The following NFX1 variants were observed in gnomAD, a reference collection of about 807,000 sequenced individuals.
NFX1 encodes nuclear transcription factor, X-box binding 1, also known as transcriptional repressor NF-X1.
Under a neutral mutation model 137.2 loss-of-function variants are expected in NFX1, and 69 were observed. The ratio of observed to expected loss-of-function variants is 0.50; its 90% CI spans 0.41 to 0.61. The LOEUF (loss-of-function observed/expected upper bound fraction) is 0.61. Ranked by LOEUF, NFX1 falls within the 20% of genes least tolerant of loss-of-function variation. The pLI, the probability that NFX1 is intolerant of heterozygous loss-of-function variation, is 0.00. For synonymous variants in NFX1, 495 were observed against 474.1 expected (o/e 1.04, Z -0.57); for missense variants, 1,167 against 1,391.0 (o/e 0.84, Z 2.56).
intron 15 of NFX1, among the ~76,000 whole-genome samples, chr9:33,347,359 T>C (rs1025806809): frequency 3.9e-5 from 6 of 152,330 alleles, no homozygotes; most frequent in African/African-American, 9.6e-5. Flanking sequence ...AATCAAGATA[T>C]AGAACAGTTC....
chr9:33,298,009 A>C lies in NFX1; in HGVS notation c.1033+2582A>C, dbSNP rs1164335213. Among the ~76,000 whole-genome samples the C allele has an allele frequency of 2.0e-5, 3 of 152,150 alleles. No homozygotes were observed. The East Asian group carries it at 5.8e-4, about 29-fold the overall frequency. ...CATTATTCATATCATTTTTGAGAAC[A>C]CTTCATTCATATTTGTTGCATAAAT... On this transcript the variant is annotated intron_variant, in intron 2 of 23. Coordinates refer to ENST00000379540, the MANE Select transcript of NFX1 (RefSeq NM_002504.6).
At chr9:33,325,153 A>G (rs1437457570) in intron 9 of NFX1, among the ~76,000 whole-genome samples, 1 of 152,196 alleles carries the variant, frequency 6.6e-6, no homozygotes, top group Non-Finnish European at 1.5e-5. Flanking sequence ...CAGGAAACTC[A>G]GTAAACTCCA....
chr9:33,296,682 C>CTA (rs1821366986), intron 2 of NFX1, among the ~76,000 whole-genome samples: 1 of 152,230 alleles, frequency 6.6e-6, no homozygotes, highest in Non-Finnish European at 1.5e-5. Context: ...CTGCAGTGAG[C>CTA]TATTGTACTC....
intron 9 of NFX1, among the ~76,000 whole-genome samples, chr9:33,326,784 A>G (rs1335814257): frequency 1.3e-5 from 2 of 152,200 alleles, no homozygotes; most frequent in Admixed American, 1.3e-4. Flanking sequence ...AATAGATATA[A>G]CATTATATAA....
chr9:33,331,761 G>A (rs1158492444), intron 10 of NFX1, among the ~76,000 whole-genome samples: 2 of 142,682 alleles, frequency 1.4e-5, no homozygotes, highest in Non-Finnish European at 3.0e-5. Flanking sequence ...TCTCATTTCT[G>A]AGTACATGGC....
intron 19 of NFX1, among the ~76,000 whole-genome samples, chr9:33,362,104 A>C (rs1329124698): frequency 1.3e-5 from 2 of 151,172 alleles, no homozygotes; most frequent in Non-Finnish European, 2.9e-5. Flanking sequence ...CTGGGCAACA[A>C]GAGCCAGACC....
chr9:33,295,080 A>G lies in NFX1; in HGVS notation c.686A>G (p.Asp229Gly), dbSNP rs755768124. ...SEASSRKGVL[D>G]GYGARRNEQR... Reference sequence around the variant, plus strand: ...GCATCCTCTAGAAAAGGAGTATTGGATGGGTATGGAGCCAGACGAAATGAG... The same window carrying G: ...GCATCCTCTAGAAAAGGAGTATTGGGTGGGTATGGAGCCAGACGAAATGAG... Residue 229 changes from aspartate to glycine, a missense_variant, in exon 2 of 24, where the codon GAT (aspartate) becomes GGT (glycine). Asp to Gly is a moderately conservative substitution (Grantham distance 94). This residue lies in a region of NFX1 where 367 missense variants were observed against 386.7 expected (regional missense o/e 0.95). Transcript: ENST00000379540. 84 of 1,614,138 alleles carry G rather than the reference A, an allele frequency of 5.2e-5. No homozygotes were observed. Among genetic ancestry groups the G allele is most frequent in the Non-Finnish European group, 6.9e-5 (82 of 1,180,026 alleles).
Position 33,354,146 on chromosome 9 carries a change from G to T in NFX1, c.2790G>T (p.Glu930Asp). ...ITDMQLGGSV[E>D]ISKLITKKEV... ...ACATGCAGCTTGGAGGTTCAGTGGA[G>T]ATCAGCAAGTTAATTACCAAAAAGG... Residue 930 changes from glutamate to aspartate, a missense_variant, in exon 18 of 24, where the codon GAG becomes GAT. Coordinates refer to ENST00000379540, the MANE Select transcript of NFX1 (RefSeq NM_002504.6). 1 of 1,613,638 alleles carries T rather than the reference G, an allele frequency of 6.2e-7. No individual in the cohort carries two copies. The highest frequency in any genetic ancestry group is 8.5e-7 in the Non-Finnish European group (1 of 1,179,804).
intron 11 of NFX1, among the ~76,000 whole-genome samples, chr9:33,333,814 G>T (rs954088029): frequency 6.6e-6 from 1 of 152,110 alleles, no homozygotes; most frequent in African/African-American, 2.4e-5. Flanking sequence ...GGTTCAGTGT[G>T]CCATCTGTAT....
chr9:33,341,767 C>G (rs538172454), intron 12 of NFX1, among the ~76,000 whole-genome samples: 1 of 151,992 alleles, frequency 6.6e-6, no homozygotes, highest in African/African-American at 2.4e-5. Flanking sequence ...CCATCTCTGC[C>G]AAAAATACAA....
chr9:33,367,541 C>T lies in NFX1; in HGVS notation c.3212C>T (p.Thr1071Met), dbSNP rs556627308. Reference protein sequence around the residue: ...IRGKSVCPPTTLTGVLEREMQ... With the variant: ...IRGKSVCPPTMLTGVLEREMQ... ...GGGAAGTCCGTTTGTCCTCCTACCA[C>T]GCTGACAGGTGTGCTTGAAAGGGAA... The change falls in exon 23 of 24, where the codon ACG becomes ATG. Residue 1071 changes from threonine to methionine, a missense_variant. Thr to Met is a moderately conservative substitution (Grantham distance 81, BLOSUM62 -1). Around this residue, in one of 3 missense-constraint regions of NFX1, gnomAD observed 312 missense variants for 312.8 expected, o/e 1.00. Coordinates refer to ENST00000379540, the MANE Select transcript of NFX1 (RefSeq NM_002504.6). The T allele has an allele frequency of 1.9e-4, 301 of 1,613,828 alleles. No homozygotes were observed. The highest frequency in any genetic ancestry group is 2.4e-4 in the Non-Finnish European group (287 of 1,179,866).
Position 33,295,032 on chromosome 9 carries a change from T to A in NFX1, c.638T>A (p.Val213Asp). Residue 213 changes from valine (V) to aspartate (D), a missense_variant, in exon 2 of 24, where the codon GTT (valine) becomes GAT (aspartate). Transcript: ENST00000379540. ...CCCGAAAGTACCAAACCTGTGGGGG[T>A]TTTCCACCCTGACTCTTCAGAGGCA... Reference protein sequence around the residue: ...AGPESTKPVGVFHPDSSEASS... With the variant: ...AGPESTKPVGDFHPDSSEASS... 6.2e-7 allele frequency: 1 copy of A among 1,612,430 alleles called. No individual in the cohort carries two copies. Among genetic ancestry groups the A allele is most frequent in the East Asian group, 2.2e-5 (1 of 44,822 alleles).
intron 19 of NFX1, among the ~76,000 whole-genome samples, chr9:33,355,842 A>G (rs923296752): frequency 6.6e-6 from 1 of 151,920 alleles, no homozygotes. Context: ...ATGGGGTTTC[A>G]CCATGTTGGC....
intron 12 of NFX1, among the ~76,000 whole-genome samples, chr9:33,340,185 C>G (rs949601442): frequency 6.6e-6 from 1 of 152,250 alleles, no homozygotes; most frequent in African/African-American, 2.4e-5. Flanking sequence ...ACCCCTGCAG[C>G]AAACTTCTGC....
chr9:33,318,865 C>T (rs1480492091), intron 8 of NFX1, 35 bp downstream of exon 8: 1 of 1,613,394 alleles, frequency 6.2e-7, no homozygotes, highest in Non-Finnish European at 8.5e-7. Context: ...TGAACTAAAG[C>T]TGCACTTTAT....
chr9:33,334,490 G>GA (rs1171582309), intron 11 of NFX1, among the ~76,000 whole-genome samples: 2 of 151,568 alleles, frequency 1.3e-5, no homozygotes, highest in African/African-American at 4.8e-5. Context: ...AACATAATTT[G>GA]AAAAAATACA....
intron 7 of NFX1, among the ~76,000 whole-genome samples, chr9:33,317,429 A>T (rs921459151): frequency 8.6e-5 from 13 of 150,334 alleles, no homozygotes; most frequent in African/African-American, 2.9e-4. Context: ...CAAAAAAAAA[A>T]AAAAAAGAAA....
In NFX1 at chr9:33,364,781, G is replaced by A. The variant is rs909469641; in HGVS notation, c.3039+7G>A. The stretch of plus-strand genomic sequence containing the variant: ...CGTGGAGGCCGTGAATAAGGTTGAA[G>A]TCGAAACATCCCACTGGACATTTCT... On this transcript the variant is annotated splice_region_variant and intron_variant, in intron 21 of 23. Coordinates refer to ENST00000379540, the MANE Select transcript of NFX1 (RefSeq NM_002504.6). 1.2e-6 allele frequency: 2 copies of A among 1,613,426 alleles called. No homozygotes were observed. Among genetic ancestry groups the A allele is most frequent in the South Asian group, 2.2e-5 (2 of 90,978 alleles).
Position 33,351,576 on chromosome 9 carries a change from CCT to C in NFX1, c.2442_2443del (p.Cys815SerfsTer4), listed in dbSNP as rs1349380632. On this transcript the variant is annotated frameshift_variant, in exon 16 of 24. Coordinates refer to ENST00000379540, the MANE Select transcript of NFX1 (RefSeq NM_002504.6). LOFTEE classifies it high-confidence loss of function. Reference sequence around the variant, plus strand: ...CTCTCCTAGTTTCGGAGCAACATCCCCTGTCACCTGGTTGATATCTCTTGCGG... The same window carrying C: ...CTCTCCTAGTTTCGGAGCAACATCCCGTCACCTGGTTGATATCTCTTGCGG... The C allele has an allele frequency of 1.9e-6, 3 of 1,614,204 alleles. No individual in the cohort carries two copies. Among genetic ancestry groups the C allele is most frequent in the Non-Finnish European group, 2.5e-6 (3 of 1,180,040 alleles).
Sources: gnomAD v4.1 joint callset for allele counts (sites outside exome capture counted in the v4.1 genomes callset) on GRCh38, gnomAD v4.1.1 for gene constraint, gnomAD v4.1.1 regional missense constraint, MANE v1.5 for transcripts, NCBI Gene and HGNC (gene_info 2026-07-23, HGNC 2026-07-21) for gene names.